SLC10A7: variants seen among roughly 807,000 people sequenced by gnomAD.
SLC10A7 encodes the protein sodium/bile acid cotransporter 7.
Under a neutral mutation model 43.2 loss-of-function variants are expected in SLC10A7, and 29 were observed. The ratio of observed to expected loss-of-function variants is 0.67; its 90% CI spans 0.50 to 0.92. The LOEUF (loss-of-function observed/expected upper bound fraction) is 0.92, where lower values mean the gene tolerates loss of function less well. Among genes scored for constraint, SLC10A7 ranks in the 40% least tolerant of loss-of-function variants. The pLI is 0.00. For missense variants in SLC10A7, 295 were observed against 403.2 expected, an observed-to-expected ratio of 0.73 and a Z score of 2.30; for synonymous variants, 152 against 144.8, an observed-to-expected ratio of 1.05 and a Z score of -0.35.
intron 10 of SLC10A7, among the ~76,000 whole-genome samples, chr4:146,271,969 TTTTC>T (rs922649446): frequency 2.0e-5 from 3 of 152,274 alleles, no homozygotes; most frequent in South Asian, 2.1e-4. Context: ...TCCTTTCTGG[TTTTC>T]TTTTTCTCCA....
intron 5 of SLC10A7, among the ~76,000 whole-genome samples, chr4:146,371,494 A>G (rs1279277770): frequency 1.1e-4 from 17 of 152,198 alleles, no homozygotes; most frequent in Admixed American, 1.1e-3. Context: ...AGTAGAGAAG[A>G]ATGAAAACCA....
In SLC10A7 at chr4:146,338,398, T is replaced by G. The variant is rs572818147; in HGVS notation, c.436-12402A>C. Reference sequence around the variant, plus strand: ...CATTTTACAGAGGAGAAAATTGAGGTACATAGACAAGGAATTGTTCAGAAT... The same window carrying G: ...CATTTTACAGAGGAGAAAATTGAGGGACATAGACAAGGAATTGTTCAGAAT... On this transcript the variant is annotated intron_variant, in intron 5 of 11. Coordinates refer to ENST00000335472, the MANE Select transcript of SLC10A7 (RefSeq NM_001029998.6). Among the ~76,000 whole-genome samples, 5 of 151,910 alleles carry G rather than the reference T, an allele frequency of 3.3e-5. No homozygotes were observed. In the East Asian group the frequency reaches 9.7e-4, roughly 29 times the overall value.
Position 146,321,599 on chromosome 4 carries a change from G to A in SLC10A7, c.471+4362C>T, listed in dbSNP as rs144644698. On this transcript the variant is annotated intron_variant, in intron 6 of 11. Transcript: ENST00000335472. ...AAACAGTACACCTTTTATGGAATGT[G>A]TTCATATATAAACATTTTTAAGAGA... Among the ~76,000 whole-genome samples the A allele has an allele frequency of 2.6e-4, 39 of 152,202 alleles. No individual in the cohort carries two copies. In the East Asian group the frequency reaches 7.6e-3, roughly 29 times the overall value.
chr4:146,362,494 T>C (rs1560835942), intron 5 of SLC10A7, among the ~76,000 whole-genome samples: 1 of 152,112 alleles, frequency 6.6e-6, no homozygotes. Flanking sequence ...TAATACTATA[T>C]ACAGCAAAAT....
chr4:146,515,607 T>C (rs1737876615), intron 2 of SLC10A7, among the ~76,000 whole-genome samples: 1 of 152,094 alleles, frequency 6.6e-6, no homozygotes, highest in South Asian at 2.1e-4. Context: ...ATCCTACGTA[T>C]ATCAAAAAAT....
rs193149066 is a variant in SLC10A7 at position 146,359,045 on chromosome 4, T to C, written c.436-33049A>G. ...AGACATCTGCTTTAATACTTGTTAG[T>C]GACAATCTTCTAAAAGTTTAGTCAT... On this transcript the variant is annotated intron_variant, in intron 5 of 11. Coordinates refer to ENST00000335472, the MANE Select transcript of SLC10A7 (RefSeq NM_001029998.6). Among the ~76,000 whole-genome samples the C allele has an allele frequency of 8.2e-4, 125 of 152,320 alleles. 2 individuals carry two copies. The highest frequency in any genetic ancestry group is 2.4e-3 in the African/African-American group (99 of 41,582).
At chr4:146,435,628 C>T (rs1730149234) in intron 5 of SLC10A7, among the ~76,000 whole-genome samples, 1 of 152,012 alleles carries the variant, frequency 6.6e-6, no homozygotes, top group South Asian at 2.1e-4. Flanking sequence ...ATAGATTAAC[C>T]ATACAAAATT....
chr4:146,515,014 G>A lies in SLC10A7; in HGVS notation c.183+2024C>T, dbSNP rs1737816173. 3 of 632,948 alleles carry A rather than the reference G, an allele frequency of 4.7e-6. No homozygotes were observed. In the Admixed American group the frequency reaches 7.3e-5, roughly 15 times the overall value. The allele number at this position is 632,948 out of a possible 1,614,324, so 39.2% of individuals were successfully genotyped here. A position where few individuals can be genotyped will look rare whatever the true frequency, so the allele number is the denominator to read the frequency against. On this transcript the variant is annotated intron_variant, in intron 2 of 11. Coordinates refer to ENST00000335472, the MANE Select transcript of SLC10A7 (RefSeq NM_001029998.6). ...CATTTCATTAGATCCAAATTAGCTGGATGACTCTGAAGGTTTCTTAGGTGC... is the reference window on the plus strand; with the variant it reads ...CATTTCATTAGATCCAAATTAGCTGAATGACTCTGAAGGTTTCTTAGGTGC...
intron 4 of SLC10A7, among the ~76,000 whole-genome samples, chr4:146,490,524 A>C (rs527695351): frequency 1.3e-5 from 2 of 152,338 alleles, no homozygotes; most frequent in Non-Finnish European, 2.9e-5. Context: ...TTAAATTGCC[A>C]TGGTTTGCCT....
At chr4:146,462,909 A>G (rs1188941086) in intron 4 of SLC10A7, among the ~76,000 whole-genome samples, 1 of 152,196 alleles carries the variant, frequency 6.6e-6, no homozygotes, top group African/African-American at 2.4e-5. Context: ...CACTGTAATA[A>G]CAGTAGCCCA....
At chr4:146,512,888 A>G (rs1387610186) in intron 2 of SLC10A7, among the ~76,000 whole-genome samples, 2 of 152,258 alleles carry the variant, frequency 1.3e-5, no homozygotes, top group East Asian at 3.8e-4. Context: ...AAAATACATC[A>G]TGACACATCC....
chr4:146,352,778 G>A (rs1257859108), intron 5 of SLC10A7, among the ~76,000 whole-genome samples: 18 of 134,982 alleles, frequency 1.3e-4, no homozygotes, highest in Admixed American at 1.0e-3. Flanking sequence ...ACCTGCTCCT[G>A]AATGACTACT....
chr4:146,329,118 C>G (rs886268652), intron 5 of SLC10A7, among the ~76,000 whole-genome samples: 3 of 152,160 alleles, frequency 2.0e-5, no homozygotes, highest in Non-Finnish European at 4.4e-5. Flanking sequence ...GCAGCTCTTC[C>G]AAGGACTTAT....
At chr4:146,422,955 C>T (rs1364894823) in intron 5 of SLC10A7, among the ~76,000 whole-genome samples, 1 of 151,940 alleles carries the variant, frequency 6.6e-6, no homozygotes, top group Admixed American at 6.6e-5. Flanking sequence ...AGGATTTGGA[C>T]CTGTTGACAT....
At chr4:146,490,837 G>A (rs746492492) in intron 4 of SLC10A7, among the ~76,000 whole-genome samples, 8 of 152,194 alleles carry the variant, frequency 5.3e-5, no homozygotes, top group Non-Finnish European at 1.0e-4. Context: ...ACATAGAGCT[G>A]TGGAAATTAC....
intron 4 of SLC10A7, among the ~76,000 whole-genome samples, chr4:146,462,693 A>G (rs528656929): frequency 1.3e-5 from 2 of 152,316 alleles, no homozygotes; most frequent in South Asian, 4.1e-4. Context: ...TTAGTGACTG[A>G]AGGTATATTA....
At chr4:146,388,766 C>A (rs56161457) in intron 5 of SLC10A7, among the ~76,000 whole-genome samples, 89,011 of 149,136 alleles carry the variant, frequency 0.6, 27,024 homozygotes, top group East Asian at 0.78. Flanking sequence ...CAAAAAACAA[C>A]AACAACAAAA....
At chr4:146,441,164 T>C (rs1730567028) in intron 5 of SLC10A7, among the ~76,000 whole-genome samples, 1 of 150,828 alleles carries the variant, frequency 6.6e-6, no homozygotes, top group African/African-American at 2.4e-5. Context: ...TGAATTAGGG[T>C]AAGAAAAAAA....
At chr4:146,515,195 G>A in intron 2 of SLC10A7, 1 of 702,206 alleles carries the variant, frequency 1.4e-6, no homozygotes, top group South Asian at 1.5e-5. Flanking sequence ...ATTTCCCATG[G>A]CACAAGTAAC....
Sources: allele counts gnomAD v4.1 joint callset (sites outside exome capture counted in the v4.1 genomes callset), GRCh38; gene constraint gnomAD v4.1.1; transcripts MANE v1.5; gene names NCBI Gene and HGNC (gene_info 2026-07-23, HGNC 2026-07-21).